ASIC2: variants seen among roughly 807,000 people sequenced by gnomAD.
ASIC2 encodes the protein acid-sensing ion channel 2.
A neutral mutation model predicts 57.3 loss-of-function variants in ASIC2; 25 were observed. The observed-to-expected ratio is 0.44, with a 90% CI of 0.32 to 0.61. ASIC2 has a LOEUF of 0.61. Ranked by LOEUF, ASIC2 falls within the 20% of genes least tolerant of loss-of-function variation. The pLI, the probability that ASIC2 is intolerant of heterozygous loss-of-function variation, is 0.06. For missense variants in ASIC2, 641 were observed against 738.1 expected, an observed-to-expected ratio of 0.87 and a Z score of 1.52; for synonymous variants, 319 against 307.5, an observed-to-expected ratio of 1.04 and a Z score of -0.39.
intron 1 of ASIC2, among the ~76,000 whole-genome samples, chr17:33,798,112 G>A (rs1299916199): frequency 1.3e-5 from 2 of 152,102 alleles, no homozygotes; most frequent in African/African-American, 2.4e-5. Context: ...AAAATGAAGT[G>A]GGAAAAGGAT....
At chr17:33,516,537 A>G (rs1442037156) in intron 1 of ASIC2, among the ~76,000 whole-genome samples, 1 of 152,208 alleles carries the variant, frequency 6.6e-6, no homozygotes, top group Non-Finnish European at 1.5e-5. Context: ...GCCGATATTC[A>G]GGCAGAAGTT....
chr17:33,856,095 A>G (rs1913920528), intron 1 of ASIC2, among the ~76,000 whole-genome samples: 1 of 152,220 alleles, frequency 6.6e-6, no homozygotes, highest in Admixed American at 6.5e-5. Flanking sequence ...TTATGATACC[A>G]CAATAGAAGA....
intron 1 of ASIC2, among the ~76,000 whole-genome samples, chr17:33,962,140 A>G (rs922406946): frequency 6.6e-6 from 1 of 152,110 alleles, no homozygotes; most frequent in Non-Finnish European, 1.5e-5. Context: ...CCTGCCAAAC[A>G]CCAACTGAGA....
intron 1 of ASIC2, among the ~76,000 whole-genome samples, chr17:33,315,913 TGTGAATCCA>T (rs1906625434): frequency 6.6e-6 from 1 of 152,202 alleles, no homozygotes; most frequent in Non-Finnish European, 1.5e-5. Flanking sequence ...TGCAAGACCT[TGTGAATCCA>T]TTGACTCTCA....
At chr17:34,073,003 GCC>G (rs1233283397) in intron 1 of ASIC2, among the ~76,000 whole-genome samples, 1 of 152,174 alleles carries the variant, frequency 6.6e-6, no homozygotes, top group Non-Finnish European at 1.5e-5. Flanking sequence ...AAACCATTAT[GCC>G]AGGTAACGTA....
At chr17:33,573,859 C>T (rs931078270) in intron 1 of ASIC2, among the ~76,000 whole-genome samples, 6 of 152,230 alleles carry the variant, frequency 3.9e-5, no homozygotes, top group South Asian at 2.1e-4. Flanking sequence ...AGCCAACACA[C>T]GCAGCCTGCC....
At chr17:33,026,477 G>A (rs905925544) in intron 4 of ASIC2, among the ~76,000 whole-genome samples, 7 of 152,200 alleles carry the variant, frequency 4.6e-5, no homozygotes, top group African/African-American at 1.7e-4. Flanking sequence ...GATGGAAGTG[G>A]GCTTTGAACA....
At chr17:33,060,868 G>T (rs1567730439) in intron 3 of ASIC2, among the ~76,000 whole-genome samples, 1 of 152,116 alleles carries the variant, frequency 6.6e-6, no homozygotes, top group South Asian at 2.1e-4. Flanking sequence ...CCTTGAAAAG[G>T]TCCTTCTCAT....
intron 1 of ASIC2, among the ~76,000 whole-genome samples, chr17:33,501,024 C>A (rs1914086747): frequency 6.6e-6 from 1 of 152,220 alleles, no homozygotes; most frequent in Admixed American, 6.5e-5. Context: ...AGAACGGGAT[C>A]CCTGATGCCT....
chr17:34,138,759 C>T (rs922286819), intron 1 of ASIC2, among the ~76,000 whole-genome samples: 2 of 152,196 alleles, frequency 1.3e-5, no homozygotes, highest in Non-Finnish European at 2.9e-5. Flanking sequence ...TACCAACCTT[C>T]GCTCTCTCCT....
At chr17:33,544,279 C>T (rs1345355461) in intron 1 of ASIC2, among the ~76,000 whole-genome samples, 2 of 152,208 alleles carry the variant, frequency 1.3e-5, no homozygotes, top group Non-Finnish European at 2.9e-5. Flanking sequence ...CTTTGTTCGT[C>T]CACGCACCAG....
intron 1 of ASIC2, among the ~76,000 whole-genome samples, chr17:34,012,427 T>G (rs879227448): frequency 1.6e-4 from 25 of 152,188 alleles, no homozygotes. Context: ...TACTCGAACA[T>G]TTTCATGCGG....
At chr17:33,479,086 C>T (rs1749122250) in intron 1 of ASIC2, among the ~76,000 whole-genome samples, 1 of 150,790 alleles carries the variant, frequency 6.6e-6, no homozygotes, top group African/African-American at 2.4e-5. Flanking sequence ...GCAGCCTCTG[C>T]CTCCCGGGTT....
chr17:33,590,673 T>TCCAATCTCTACACCACACC (rs1567662670), intron 1 of ASIC2, among the ~76,000 whole-genome samples: 2 of 147,480 alleles, frequency 1.4e-5, no homozygotes, highest in Non-Finnish European at 3.0e-5. Context: ...TACACCACAC[T>TCCAATCTCTACACCACACC]CCAATCTCTA....
intron 1 of ASIC2, among the ~76,000 whole-genome samples, chr17:33,509,057 C>G (rs1330913255): frequency 2.0e-5 from 3 of 152,138 alleles, no homozygotes; most frequent in East Asian, 3.9e-4. Flanking sequence ...TAGTGCCTCC[C>G]ATAGGAATGC....
intron 1 of ASIC2, among the ~76,000 whole-genome samples, chr17:33,476,179 C>A (rs928894658): frequency 6.6e-6 from 1 of 152,126 alleles, no homozygotes; most frequent in Non-Finnish European, 1.5e-5. Context: ...ACCGGAGGAC[C>A]TATGGTATAT....
intron 1 of ASIC2, among the ~76,000 whole-genome samples, chr17:33,382,382 G>A (rs1047504086): frequency 6.6e-6 from 1 of 152,152 alleles, no homozygotes; most frequent in African/African-American, 2.4e-5. Context: ...CTATGGATAC[G>A]GTGGGAGGCC....
chr17:33,309,295 A>C (rs1461907907), intron 1 of ASIC2, among the ~76,000 whole-genome samples: 1 of 152,184 alleles, frequency 6.6e-6, no homozygotes, highest in Non-Finnish European at 1.5e-5. Flanking sequence ...CATTAAAATG[A>C]TAGTAAAAGA....
chr17:34,066,323 G>A (rs1159701784), intron 1 of ASIC2, among the ~76,000 whole-genome samples: 1 of 152,166 alleles, frequency 6.6e-6, no homozygotes, highest in Non-Finnish European at 1.5e-5. Flanking sequence ...CTGGTTCCTG[G>A]CCTTAGGTAC....
Sources: gnomAD v4.1 joint callset for allele counts (sites outside exome capture counted in the v4.1 genomes callset) on GRCh38, gnomAD v4.1.1 for gene constraint, MANE v1.5 for transcripts, NCBI Gene and HGNC (gene_info 2026-07-23, HGNC 2026-07-21) for gene names.